The following IDE variants were observed in gnomAD, a reference collection of about 807,000 sequenced individuals.
The protein encoded by IDE is insulin-degrading enzyme.
Under a neutral mutation model 133.2 loss-of-function variants are expected in IDE, and 58 were observed. The observed-to-expected ratio is 0.44, with a 90% CI of 0.35 to 0.54. IDE has a LOEUF of 0.54. IDE is among the 20% of genes least tolerant of loss of function. IDE has a pLI of 0.00. For synonymous variants in IDE, 396 were observed against 421.3 expected (o/e 0.94, Z 0.73); for missense variants, 981 against 1,234.0 (o/e 0.79, Z 3.07).
chr10:92,570,646 C>A (rs148229814), intron 1 of IDE, among the ~76,000 whole-genome samples: 1,893 of 152,234 alleles, frequency 0.012, 136 homozygotes, highest in Admixed American at 0.11. Flanking sequence ...CTGGGCCTGG[C>A]ACAGTGGCTC....
intron 18 of IDE, 29 bp downstream of exon 18, chr10:92,470,224 CA>C (rs553176219): frequency 2.3e-5 from 33 of 1,449,316 alleles, no homozygotes; most frequent in Non-Finnish European, 3.0e-5. Flanking sequence ...CAATGATCCA[CA>C]AAAGATTGCT....
chr10:92,479,779 T>C (rs2135411706), intron 14 of IDE: 1 of 173,290 alleles, frequency 5.8e-6, no homozygotes, highest in Non-Finnish European at 1.2e-5. Flanking sequence ...CTTAGGCTAA[T>C]GGGAGGAGCA....
At chr10:92,514,377 C>CT (rs200269286) in intron 5 of IDE, among the ~76,000 whole-genome samples, 236 of 146,018 alleles carry the variant, frequency 1.6e-3, no homozygotes, top group Non-Finnish European at 2.2e-3. Flanking sequence ...TCATCATCTG[C>CT]TTTTTTTTTT....
chr10:92,543,279 CA>C (rs1439659272), intron 1 of IDE, among the ~76,000 whole-genome samples: 1 of 152,184 alleles, frequency 6.6e-6, no homozygotes, highest in Non-Finnish European at 1.5e-5. Flanking sequence ...ATAACATTCC[CA>C]GTTCCTTGCA....
intron 1 of IDE, among the ~76,000 whole-genome samples, chr10:92,562,367 T>C (rs1409316759): frequency 6.6e-6 from 1 of 152,158 alleles, no homozygotes; most frequent in Non-Finnish European, 1.5e-5. Flanking sequence ...CAAAACTTGG[T>C]AGGATTAATA....
At chr10:92,572,847 C>T in intron 1 of IDE, 1 of 977,360 alleles carries the variant, frequency 1.0e-6, no homozygotes, top group South Asian at 4.7e-5. Flanking sequence ...CAAAGCCAGC[C>T]TACCCCCCCA....
At chr10:92,569,618 T>C (rs1007393337) in intron 1 of IDE, among the ~76,000 whole-genome samples, 1 of 152,108 alleles carries the variant, frequency 6.6e-6, no homozygotes, top group Non-Finnish European at 1.5e-5. Flanking sequence ...ATTTTCAAGC[T>C]AAACTGAAAA....
At position 92,454,516 on chromosome 10, in the gene IDE, G is replaced by T. The variant is rs764149128; in HGVS notation, c.2988C>A (p.Thr996=). Residue 996 remains threonine (T), a synonymous_variant, in exon 25 of 25, where the codon ACC becomes ACA. Transcript: ENST00000265986. ...LPQPEVIQNM[T]EFKRGLPLFP... The stretch of plus-strand genomic sequence containing the variant: ...ACAGTGGCAGACCACGCTTGAATTC[G>T]GTCATGTTCTGAATCACTTCAGGCT... 1.2e-6 allele frequency: 2 copies of T among 1,613,518 alleles called. No homozygotes were observed. Among genetic ancestry groups the T allele is most frequent in the Non-Finnish European group, 8.5e-7 (1 of 1,179,600 alleles).
rs79606211 is a variant in IDE, at chr10:92,562,433, C to T, written c.98+11489G>A. Among the ~76,000 whole-genome samples the T allele has an allele frequency of 7.2e-5, 11 of 152,308 alleles. No homozygotes were observed. The East Asian group carries it at 1.3e-3, about 19-fold the overall frequency. On this transcript the variant is annotated intron_variant, in intron 1 of 24. Transcript: ENST00000265986. ...TAGGAAAAAGACTCATGCAAACTAA[C>T]CAATTCAAGATAAAAAGAATAACCA... is the stretch of plus-strand genomic sequence containing the variant.
chr10:92,485,248 C>G (rs1052532192), intron 13 of IDE, among the ~76,000 whole-genome samples: 1 of 151,402 alleles, frequency 6.6e-6, no homozygotes, highest in African/African-American at 2.4e-5. Flanking sequence ...CTGCCTCAGC[C>G]TCCTGAGTAG....
At chr10:92,536,041 A>G (rs7077418) in intron 2 of IDE, among the ~76,000 whole-genome samples, 45,237 of 149,002 alleles carry the variant, frequency 0.3, 7,788 homozygotes, top group East Asian at 0.67. Context: ...GTCTCAGAGA[A>G]AAAAAAAAAA....
At chr10:92,540,221 C>T (rs199624954) in intron 1 of IDE, among the ~76,000 whole-genome samples, 23 of 149,846 alleles carry the variant, frequency 1.5e-4, no homozygotes, top group East Asian at 1.4e-3. Context: ...CCAGCCTGGG[C>T]GCAACAGAGC....
chr10:92,507,710 C>T, intron 8 of IDE, 44 bp from the exon 9 acceptor site: 1 of 1,062,228 alleles, frequency 9.4e-7, no homozygotes, highest in Non-Finnish European at 1.5e-6. Flanking sequence ...GTCCTTGAAT[C>T]CTTCAAAGCA....
intron 13 of IDE, among the ~76,000 whole-genome samples, chr10:92,485,399 G>A (rs781550048): frequency 1.9e-4 from 29 of 152,170 alleles, no homozygotes; most frequent in South Asian, 4.1e-4. Flanking sequence ...GATTACAGGC[G>A]TGAGCCACTG....
At chr10:92,457,661 G>A (rs1845103309) in intron 22 of IDE, among the ~76,000 whole-genome samples, 1 of 152,056 alleles carries the variant, frequency 6.6e-6, no homozygotes, top group African/African-American at 2.4e-5. Flanking sequence ...TTAGCCACAA[G>A]CAACGTTTCA....
chr10:92,500,387 A>T (rs1253675177), intron 11 of IDE, among the ~76,000 whole-genome samples: 1 of 152,212 alleles, frequency 6.6e-6, no homozygotes, highest in African/African-American at 2.4e-5. Context: ...AGCCTTAAAA[A>T]GAAAGGGAAT....
intron 15 of IDE, among the ~76,000 whole-genome samples, chr10:92,477,689 A>G (rs1203224186): frequency 6.6e-6 from 1 of 152,216 alleles, no homozygotes; most frequent in Non-Finnish European, 1.5e-5. Context: ...TAGGAACTAG[A>G]CTGACAATTA....
chr10:92,489,027 C>A (rs1302356876), intron 12 of IDE, among the ~76,000 whole-genome samples: 6 of 145,322 alleles, frequency 4.1e-5, no homozygotes, highest in Non-Finnish European at 7.5e-5. Flanking sequence ...AAAAAAAAAA[C>A]CAATTGTCAA....
chr10:92,493,818 A>G (rs1847517208), intron 11 of IDE, among the ~76,000 whole-genome samples: 1 of 152,198 alleles, frequency 6.6e-6, no homozygotes, highest in African/African-American at 2.4e-5. Context: ...ATTGAAATAT[A>G]CAATGAAAGG....
Sources: gnomAD v4.1 joint callset for allele counts (sites outside exome capture counted in the v4.1 genomes callset) on GRCh38, gnomAD v4.1.1 for gene constraint, MANE v1.5 for transcripts, NCBI Gene and HGNC (gene_info 2026-07-23, HGNC 2026-07-21) for gene names.